Variants in SOX5 observed in about 807,000 individuals in gnomAD.
The protein encoded by SOX5 is SRY-box transcription factor 5.
In SOX5, 9 loss-of-function variants were observed where a neutral mutation model predicts 92.0. The ratio of observed to expected loss-of-function variants is 0.10; its 90% CI spans 0.06 to 0.17. The LOEUF (loss-of-function observed/expected upper bound fraction) is 0.17. Ranked by LOEUF, SOX5 falls within the 10% of genes least tolerant of loss-of-function variation. The pLI is 1.00. For missense variants in SOX5, 642 were observed against 944.5 expected, an observed-to-expected ratio of 0.68 and a Z score of 4.20; for synonymous variants, 344 against 336.3, an observed-to-expected ratio of 1.02 and a Z score of -0.25.
intron 3 of SOX5, among the ~76,000 whole-genome samples, chr12:23,827,553 T>C (rs1449595346): frequency 6.6e-6 from 1 of 152,196 alleles, no homozygotes; most frequent in Non-Finnish European, 1.5e-5. Flanking sequence ...CTATTTCATA[T>C]ACACCCACAC....
chr12:23,859,718 C>A (rs932926453), intron 2 of SOX5, among the ~76,000 whole-genome samples: 3 of 152,120 alleles, frequency 2.0e-5, no homozygotes, highest in Admixed American at 1.3e-4. Flanking sequence ...GTGGGCATCA[C>A]GGAATCTGCT....
chr12:24,447,772 A>G (rs1941702565), intron 1 of SOX5, among the ~76,000 whole-genome samples: 1 of 152,202 alleles, frequency 6.6e-6, no homozygotes, highest in Non-Finnish European at 1.5e-5. Context: ...CTTCCCATCA[A>G]CAGAAGTATG....
intron 1 of SOX5, among the ~76,000 whole-genome samples, chr12:24,546,720 A>G (rs1033903849): frequency 1.3e-5 from 2 of 152,228 alleles, no homozygotes; most frequent in African/African-American, 4.8e-5. Context: ...CAGAAAATCT[A>G]AGAAATATAA....
chr12:24,273,843 T>C (rs2140346792), intron 3 of SOX5, among the ~76,000 whole-genome samples: 1 of 152,344 alleles, frequency 6.6e-6, no homozygotes, highest in Admixed American at 6.5e-5. Context: ...AAATACTTCT[T>C]ATAGGCATTC....
At chr12:24,400,453 G>C (rs4963756) in intron 1 of SOX5, among the ~76,000 whole-genome samples, 23 of 152,026 alleles carry the variant, frequency 1.5e-4, no homozygotes, top group Admixed American at 5.9e-4. Context: ...GAAAGTTGCT[G>C]AGCAACAGCA....
intron 4 of SOX5, among the ~76,000 whole-genome samples, chr12:24,182,696 A>C (rs1041247807): frequency 2.0e-5 from 3 of 152,186 alleles, no homozygotes; most frequent in African/African-American, 7.2e-5. Context: ...ATAAATTATT[A>C]GGAAAAAATC....
chr12:23,792,407 G>T (rs918037629), intron 3 of SOX5, among the ~76,000 whole-genome samples: 1 of 151,786 alleles, frequency 6.6e-6, no homozygotes. Flanking sequence ...GGTGGATCAT[G>T]AGGTCAGAAG....
chr12:24,337,130 C>T (rs1393644527), intron 2 of SOX5, among the ~76,000 whole-genome samples: 2 of 152,130 alleles, frequency 1.3e-5, no homozygotes, highest in Non-Finnish European at 2.9e-5. Context: ...TAATTACCCA[C>T]TATGTATTCT....
At chr12:24,435,983 A>G (rs999042521) in intron 1 of SOX5, among the ~76,000 whole-genome samples, 13 of 152,330 alleles carry the variant, frequency 8.5e-5, no homozygotes, top group Admixed American at 2.6e-4. Flanking sequence ...AGGATGCAAC[A>G]AACCAAGCCC....
At chr12:23,605,885 C>T (rs2137569139) in intron 8 of SOX5, among the ~76,000 whole-genome samples, 1 of 151,892 alleles carries the variant, frequency 6.6e-6, no homozygotes, top group Admixed American at 6.6e-5. Context: ...CCAGAGAAAA[C>T]TAAAAGACCA....
chr12:23,663,977 G>T (rs1030181698), intron 7 of SOX5, among the ~76,000 whole-genome samples: 15 of 152,038 alleles, frequency 9.9e-5, no homozygotes, highest in Non-Finnish European at 2.1e-4. Flanking sequence ...CCAAAGTAAA[G>T]GGAAAGATTT....
chr12:24,431,233 C>T (rs1938247019), intron 1 of SOX5, among the ~76,000 whole-genome samples: 1 of 152,158 alleles, frequency 6.6e-6, no homozygotes. Flanking sequence ...CAGGTTCAAA[C>T]TCACACCCTT....
At chr12:24,054,846 C>A (rs11047239) in intron 4 of SOX5, among the ~76,000 whole-genome samples, 2 of 151,892 alleles carry the variant, frequency 1.3e-5, no homozygotes, top group South Asian at 2.1e-4. Context: ...GAGGTATAAC[C>A]TTGTTTAAAA....
At chr12:23,887,840 T>C (rs1208216323) in intron 2 of SOX5, among the ~76,000 whole-genome samples, 1 of 151,874 alleles carries the variant, frequency 6.6e-6, no homozygotes, top group Admixed American at 6.6e-5. Flanking sequence ...TGGAAAAAAA[T>C]CTTTATGGCA....
At chr12:24,534,016 A>G (rs1000379463) in intron 1 of SOX5, among the ~76,000 whole-genome samples, 4 of 152,230 alleles carry the variant, frequency 2.6e-5, no homozygotes, top group African/African-American at 9.6e-5. Context: ...GGCCCTGTCC[A>G]TTCCTACCCA....
At chr12:23,758,346 G>A (rs1363870533) in intron 3 of SOX5, among the ~76,000 whole-genome samples, 2 of 149,980 alleles carry the variant, frequency 1.3e-5, no homozygotes, top group African/African-American at 4.9e-5. Flanking sequence ...TTGCTCTGAG[G>A]TTCCACAAAA....
At chr12:23,808,682 T>G (rs192389202) in intron 3 of SOX5, among the ~76,000 whole-genome samples, 2 of 152,150 alleles carry the variant, frequency 1.3e-5, no homozygotes, top group South Asian at 4.1e-4. Flanking sequence ...TTCCATAGTT[T>G]TATGGATTAG....
Position 23,619,400 on chromosome 12 carries a change from G to A in SOX5, c.1018-14867C>T, listed in dbSNP as rs538343601. On this transcript the variant is annotated intron_variant, in intron 8 of 14. Transcript: ENST00000451604. ...GGTATTATTTTTACTTTATGGAGCA[G>A]GACATTGAAGCCAAGAAAGAGTAAA... Among the ~76,000 whole-genome samples the A allele has an allele frequency of 2.6e-5, 4 of 152,214 alleles. No individual in the cohort carries two copies. The East Asian group carries it at 7.7e-4, about 29-fold the overall frequency.
At chr12:23,731,726 T>C (rs769661128) in intron 6 of SOX5, among the ~76,000 whole-genome samples, 4 of 152,214 alleles carry the variant, frequency 2.6e-5, no homozygotes, top group Non-Finnish European at 4.4e-5. Flanking sequence ...ACTTGATGTA[T>C]TGGATTCCTT....
Sources: gnomAD v4.1 joint callset for allele counts (sites outside exome capture counted in the v4.1 genomes callset) on GRCh38, gnomAD v4.1.1 for gene constraint, MANE v1.5 for transcripts, NCBI Gene and HGNC (gene_info 2026-07-23, HGNC 2026-07-21) for gene names.